The following RUFY1 variants were observed in gnomAD, a reference collection of about 807,000 sequenced individuals.
RUFY1 encodes the protein RUN and FYVE domain containing 1.
A neutral mutation model predicts 94.6 loss-of-function variants in RUFY1; 54 were observed. The observed-to-expected ratio is 0.57, with a 90% CI of 0.46 to 0.72. The LOEUF (loss-of-function observed/expected upper bound fraction) is 0.72, where lower values mean the gene tolerates loss of function less well. Among genes scored for constraint, RUFY1 ranks in the 30% least tolerant of loss-of-function variants. The pLI, the probability that RUFY1 is intolerant of heterozygous loss-of-function variation, is 0.00. For synonymous variants in RUFY1, 396 were observed against 347.3 expected, an observed-to-expected ratio of 1.14 and a Z score of -1.56; for missense variants, 883 against 883.9, an observed-to-expected ratio of 1.00 and a Z score of 0.01.
intron 12 of RUFY1, chr5:179,596,301 C>T (rs1016932080): frequency 7.3e-6 from 4 of 549,734 alleles, no homozygotes; most frequent in Middle Eastern, 4.9e-4. Flanking sequence ...TGTATAATTA[C>T]ATTGAGATTA....
At chr5:179,575,286 C>A (rs746876364) in intron 5 of RUFY1, among the ~76,000 whole-genome samples, 1 of 152,104 alleles carries the variant, frequency 6.6e-6, no homozygotes, top group Non-Finnish European at 1.5e-5. Flanking sequence ...TTCAAGAGCG[C>A]ACGTGCTTAC....
At chr5:179,555,716 C>T in intron 1 of RUFY1, 1 of 390,452 alleles carries the variant, frequency 2.6e-6, no homozygotes, top group East Asian at 9.4e-5. Flanking sequence ...CAACCTCCGC[C>T]TCCCAGGTTC....
At chr5:179,563,199 A>C (rs1032536845) in intron 3 of RUFY1, among the ~76,000 whole-genome samples, 1 of 152,130 alleles carries the variant, frequency 6.6e-6, no homozygotes, top group Non-Finnish European at 1.5e-5. Flanking sequence ...ATGCAAAAGA[A>C]CCCTCTGCAG....
At chr5:179,559,446 G>T (rs546339218) in intron 1 of RUFY1, among the ~76,000 whole-genome samples, 1 of 152,340 alleles carries the variant, frequency 6.6e-6, no homozygotes, top group Admixed American at 6.5e-5. Flanking sequence ...CTGAGGGGAA[G>T]ATGCTTCCCT....
chr5:179,575,560 C>T (rs6883330), intron 5 of RUFY1, among the ~76,000 whole-genome samples: 4 of 152,092 alleles, frequency 2.6e-5, no homozygotes, highest in African/African-American at 7.2e-5. Flanking sequence ...AGAAGTCACA[C>T]GGCATCATTT....
intron 1 of RUFY1, 86 bp from the exon 2 acceptor site, chr5:179,559,939 C>T: frequency 2.6e-6 from 4 of 1,513,736 alleles, no homozygotes; most frequent in Non-Finnish European, 3.5e-6. Flanking sequence ...TGGCCTCCTG[C>T]CTGACCCGTC....
intron 8 of RUFY1, chr5:179,586,224 C>T (rs1217912390): frequency 2.3e-6 from 1 of 430,422 alleles, no homozygotes; most frequent in Non-Finnish European, 4.6e-6. Context: ...CCAGAAAGCA[C>T]AGACTCTGTC....
At chr5:179,562,223 C>G (rs1196639908) in intron 2 of RUFY1, among the ~76,000 whole-genome samples, 1 of 151,792 alleles carries the variant, frequency 6.6e-6, no homozygotes, top group Non-Finnish European at 1.5e-5. Context: ...ACCAGCCTGG[C>G]CAACATGGTG....
intron 6 of RUFY1, among the ~76,000 whole-genome samples, chr5:179,577,772 G>A (rs1265037950): frequency 6.6e-6 from 1 of 151,430 alleles, no homozygotes; most frequent in Non-Finnish European, 1.5e-5. Context: ...TCGGGCGGCG[G>A]AGGCGGTGGG....
chr5:179,593,738 T>C (rs897353786), intron 11 of RUFY1, 93 bp downstream of exon 11: 7 of 1,508,346 alleles, frequency 4.6e-6, no homozygotes, highest in Admixed American at 2.3e-5. Flanking sequence ...AGTAGACACA[T>C]AGAGCCCCTC....
chr5:179,563,282 T>G (rs551631997), intron 3 of RUFY1, among the ~76,000 whole-genome samples: 6 of 152,302 alleles, frequency 3.9e-5, no homozygotes, highest in African/African-American at 1.4e-4. Context: ...TATTCCATTT[T>G]CAGATAATAA....
chr5:179,568,938 T>G (rs1051531195), intron 4 of RUFY1: 8 of 671,750 alleles, frequency 1.2e-5, no homozygotes, highest in Non-Finnish European at 1.5e-5. Flanking sequence ...TCCCATTTCC[T>G]GTTTATATCA....
In RUFY1 at chr5:179,562,588, C is replaced by T. The variant is rs1437536043; in HGVS notation, c.526C>T (p.Pro176Ser). 6.2e-7 allele frequency: 1 copy of T among 1,610,970 alleles called. No homozygotes were observed. The highest frequency in any genetic ancestry group is 8.5e-7 in the Non-Finnish European group (1 of 1,177,286). The change falls in exon 3 of 18, where the codon CCT (proline) becomes TCT (serine). Residue 176 changes from proline to serine, a missense_variant. Coordinates refer to ENST00000319449, the MANE Select transcript of RUFY1 (RefSeq NM_025158.5). ...TGGCCAAAATAAATCATTCTTTGGTCCTTTGGAGCTGGTGGAGAAACTTTG... is the reference window on the plus strand; with the variant it reads ...TGGCCAAAATAAATCATTCTTTGGTTCTTTGGAGCTGGTGGAGAAACTTTG... ...FIGQNKSFFG[P>S]LELVEKLCPE...
At chr5:179,582,036 T>C (rs1764202638) in intron 7 of RUFY1, among the ~76,000 whole-genome samples, 1 of 152,092 alleles carries the variant, frequency 6.6e-6, no homozygotes, top group African/African-American at 2.4e-5. Flanking sequence ...AGTTTTTTGG[T>C]CGATTACTAG....
intron 8 of RUFY1, among the ~76,000 whole-genome samples, chr5:179,586,702 G>A (rs560456300): frequency 6.6e-6 from 1 of 152,276 alleles, no homozygotes; most frequent in African/African-American, 2.4e-5. Flanking sequence ...AGATTTGTGT[G>A]AGTAGAAGGA....
At chr5:179,588,105 T>G (rs1225458326) in intron 8 of RUFY1, among the ~76,000 whole-genome samples, 1 of 152,214 alleles carries the variant, frequency 6.6e-6, no homozygotes, top group South Asian at 2.1e-4. Context: ...TTTGCCTGCT[T>G]CTTCCCTTCG....
In RUFY1 at chr5:179,609,860, T is replaced by C. The variant is rs1239254530; in HGVS notation, c.*341T>C. 2 of 197,336 alleles carry C rather than the reference T, an allele frequency of 1.0e-5. No individual in the cohort carries two copies. Among genetic ancestry groups the C allele is most frequent in the Non-Finnish European group, 2.0e-5 (2 of 97,570 alleles). The allele number at this position is 197,336 out of a possible 1,614,324, so 12.2% of individuals were successfully genotyped here. ...GTTCTGCTAGTGAGTAGTTTTCCTCTCCTACCTTCCTTCTAAAAACCTGAT... is the reference window on the plus strand; with the variant it reads ...GTTCTGCTAGTGAGTAGTTTTCCTCCCCTACCTTCCTTCTAAAAACCTGAT... On this transcript the variant is annotated 3_prime_UTR_variant, in exon 18 of 18. Transcript: ENST00000319449.
At chr5:179,551,432 A>G (rs1250262730) in intron 1 of RUFY1, among the ~76,000 whole-genome samples, 2 of 152,282 alleles carry the variant, frequency 1.3e-5, no homozygotes, top group Admixed American at 6.5e-5. Context: ...CCAGACATCC[A>G]GAGCTGTGCT....
intron 14 of RUFY1, among the ~76,000 whole-genome samples, chr5:179,600,468 C>A (rs1443781258): frequency 1.3e-5 from 2 of 152,148 alleles, no homozygotes; most frequent in Non-Finnish European, 1.5e-5. Context: ...CAGGTCACCC[C>A]CTTCATCATC....
Sources: allele counts gnomAD v4.1 joint callset (sites outside exome capture counted in the v4.1 genomes callset), GRCh38; gene constraint gnomAD v4.1.1; transcripts MANE v1.5; gene names NCBI Gene and HGNC (gene_info 2026-07-23, HGNC 2026-07-21).